Variants in TSC22D2 observed in about 807,000 individuals in gnomAD.
TSC22D2 encodes the protein TSC22 domain family protein 2.
TSC22D2 carries 5 observed loss-of-function variants against 50.1 expected under a neutral mutation model. The ratio of observed to expected loss-of-function variants is 0.10; its 90% CI spans 0.05 to 0.21. The LOEUF is 0.21. Ranked by LOEUF, TSC22D2 falls within the 10% of genes least tolerant of loss-of-function variation. TSC22D2 has a pLI of 1.00. For missense variants in TSC22D2, 1,003 were observed against 1,015.5 expected (o/e 0.99, Z 0.17); for synonymous variants, 501 against 450.1 (o/e 1.11, Z -1.43).
At chr3:150,434,033 C>T (rs1024281791) in intron 1 of TSC22D2, among the ~76,000 whole-genome samples, 5 of 152,212 alleles carry the variant, frequency 3.3e-5, no homozygotes, top group Admixed American at 2.0e-4. Context: ...CGAGATTGCA[C>T]CACTGCGCTC....
At chr3:150,454,163 T>C (rs1721121300) in intron 1 of TSC22D2, among the ~76,000 whole-genome samples, 1 of 151,990 alleles carries the variant, frequency 6.6e-6, no homozygotes, top group Non-Finnish European at 1.5e-5. Flanking sequence ...CCTTAGAAAA[T>C]CAAACAGCAT....
At position 150,411,086 on chromosome 3, in the gene TSC22D2, A is replaced by G; in HGVS notation, c.1736A>G (p.Gln579Arg). ...AGTCTACCACAGTCTGACCTAAGCC[A>G]GTTTCAAACTCAGACCCAGCCTTTA... ...PTSLPQSDLS[Q>R]FQTQTQPLVG... is the part of the protein sequence containing the mutation. The change falls in exon 1 of 3, where the codon CAG becomes CGG. Residue 579 changes from glutamine to arginine, a missense_variant. Physicochemically the swap from Gln to Arg is conservative, Grantham distance 43. Transcript: ENST00000688009. 1.2e-6 allele frequency: 2 copies of G among 1,614,176 alleles called. No individual in the cohort carries two copies. Among genetic ancestry groups the G allele is most frequent in the South Asian group, 1.1e-5 (1 of 91,090 alleles).
At chr3:150,449,837 T>C (rs1720988982) in intron 1 of TSC22D2, among the ~76,000 whole-genome samples, 1 of 152,122 alleles carries the variant, frequency 6.6e-6, no homozygotes, top group African/African-American at 2.4e-5. Flanking sequence ...TAGTTTTAAT[T>C]TGTATTTTTA....
chr3:150,448,318 A>G (rs890046737), intron 1 of TSC22D2, among the ~76,000 whole-genome samples: 1 of 152,058 alleles, frequency 6.6e-6, no homozygotes, highest in Non-Finnish European at 1.5e-5. Flanking sequence ...GCTAACAACA[A>G]ATTTTAAAAA....
chr3:150,442,288 C>G (rs1203101252), intron 1 of TSC22D2, among the ~76,000 whole-genome samples: 2 of 152,158 alleles, frequency 1.3e-5, no homozygotes, highest in Admixed American at 6.5e-5. Flanking sequence ...TATATATCTC[C>G]TGCACTAATT....
Position 150,409,663 on chromosome 3 carries a change from G to A in TSC22D2, c.313G>A (p.Gly105Arg), listed in dbSNP as rs757558939. ...GGCGGCTGCTGCTCCCGCCAACGGAGGAGGAGTCGTTTCGGCCCGGAGCGT... is the reference window on the plus strand; with the variant it reads ...GGCGGCTGCTGCTCCCGCCAACGGAAGAGGAGTCGTTTCGGCCCGGAGCGT... ...AAAAAAPANG[G>R]GVVSARSVSG... Residue 105 changes from glycine to arginine, a missense_variant, in exon 1 of 3, where the codon GGA becomes AGA. Gly to Arg is a moderately radical substitution (Grantham distance 125). This residue lies in a region of TSC22D2 where 200 missense variants were observed against 182.8 expected (regional missense o/e 1.09). Coordinates refer to ENST00000688009, the MANE Select transcript of TSC22D2 (RefSeq NM_001303264.2). This position sits in a 1 kb window ranked among gnomAD's most constrained non-coding sequence, Gnocchi z 7.4. 1 of 1,601,510 alleles carries A rather than the reference G, an allele frequency of 6.2e-7. No individual in the cohort carries two copies. The highest frequency in any genetic ancestry group is 8.5e-7 in the Non-Finnish European group (1 of 1,174,164).
chr3:150,436,274 T>A (rs749993322), intron 1 of TSC22D2, among the ~76,000 whole-genome samples: 1 of 152,152 alleles, frequency 6.6e-6, no homozygotes, highest in African/African-American at 2.4e-5. Flanking sequence ...AACTGCTTCA[T>A]ATGACTGGTT....
intron 1 of TSC22D2, among the ~76,000 whole-genome samples, chr3:150,435,885 C>G (rs865902604): frequency 3.8e-4 from 58 of 151,490 alleles, no homozygotes; most frequent in African/African-American, 1.4e-3. Flanking sequence ...GCAGTCTTGC[C>G]AGAGATTCAA....
intron 1 of TSC22D2, among the ~76,000 whole-genome samples, chr3:150,435,925 T>G (rs1720525217): frequency 6.6e-6 from 1 of 152,162 alleles, no homozygotes; most frequent in South Asian, 2.1e-4. Context: ...AGTACAGTTT[T>G]CTCATTAAAT....
intron 1 of TSC22D2, among the ~76,000 whole-genome samples, chr3:150,428,958 A>C (rs1720287521): frequency 6.6e-6 from 1 of 152,170 alleles, no homozygotes; most frequent in Non-Finnish European, 1.5e-5. Flanking sequence ...TTTTAGTTAC[A>C]TTTAAAATGC....
In TSC22D2 at chr3:150,463,390, T is replaced by G. The variant is rs28454055; in HGVS notation, c.*4754T>G. On this transcript the variant is annotated 3_prime_UTR_variant, in exon 3 of 3. Coordinates refer to ENST00000688009, the MANE Select transcript of TSC22D2 (RefSeq NM_001303264.2). ...CCAAAACCAGACCTTTTCTCCCACC[T>G]CCTTCTGCTTCAAGCCTCTTAATAA... The G allele has an allele frequency of 0.14, 20,725 of 152,250 alleles. 1,495 individuals carry two copies. The highest frequency in any genetic ancestry group is 0.17 in the Non-Finnish European group (11,612 of 68,028). 9.4% of individuals were successfully genotyped at this position (152,250 alleles called of 1,614,324 possible).
rs1719524866 is a variant in TSC22D2 at position 150,410,846 on chromosome 3, C to T, written c.1496C>T (p.Pro499Leu). The T allele has an allele frequency of 1.2e-6, 2 of 1,613,890 alleles. No homozygotes were observed. Among genetic ancestry groups the T allele is most frequent in the South Asian group, 1.1e-5 (1 of 91,078 alleles). Residue 499 changes from proline to leucine, a missense_variant, in exon 1 of 3, where the codon CCT becomes CTT. Transcript: ENST00000688009. The stretch of plus-strand genomic sequence containing the variant: ...CCGCTGTCAGCCGTACCTGGTGGCC[C>T]TCACGCCGTGGTGCCCGGAGTTCCA... ...SGPLSAVPGG[P>L]HAVVPGVPNV...
chr3:150,446,116 CAGCT>C (rs1466786599), intron 1 of TSC22D2, among the ~76,000 whole-genome samples: 1 of 140,436 alleles, frequency 7.1e-6, no homozygotes, highest in East Asian at 2.1e-4. Flanking sequence ...AAAAAAAAAT[CAGCT>C]AGTCTAATTC....
chr3:150,442,807 T>C (rs1576553564), intron 1 of TSC22D2, among the ~76,000 whole-genome samples: 1 of 151,934 alleles, frequency 6.6e-6, no homozygotes, highest in South Asian at 2.1e-4. Context: ...AAAAGAAAAA[T>C]TAGCTAGACA....
chr3:150,431,579 A>AT (rs1312250106), intron 1 of TSC22D2, among the ~76,000 whole-genome samples: 1 of 152,188 alleles, frequency 6.6e-6, no homozygotes, highest in Non-Finnish European at 1.5e-5. Context: ...AAATTTAAAT[A>AT]TTTAATAAAA....
rs559298196 is a variant in TSC22D2 at position 150,448,719 on chromosome 3, C to T, written c.1959-8357C>T. Among the ~76,000 whole-genome samples the T allele has an allele frequency of 6.6e-5, 10 of 151,988 alleles. No homozygotes were observed. The South Asian group carries it at 2.1e-3, about 32-fold the overall frequency. On this transcript the variant is annotated intron_variant, in intron 1 of 2. Coordinates refer to ENST00000688009, the MANE Select transcript of TSC22D2 (RefSeq NM_001303264.2). The stretch of plus-strand genomic sequence containing the variant: ...ATGTTTTAATAGATTTTTAGTTCAG[C>T]TAGTTTTAAAACGAAGTTTCTTTAA...
At chr3:150,422,230 G>A (rs1720034320) in intron 1 of TSC22D2, among the ~76,000 whole-genome samples, 1 of 152,182 alleles carries the variant, frequency 6.6e-6, no homozygotes. Context: ...TTGAAGGTGG[G>A]GGAGACTATG....
At chr3:150,416,216 A>G (rs1180865991) in intron 1 of TSC22D2, among the ~76,000 whole-genome samples, 1 of 152,164 alleles carries the variant, frequency 6.6e-6, no homozygotes, top group Non-Finnish European at 1.5e-5. Flanking sequence ...TCTTTGAAGA[A>G]TTGTTTTAGT....
At chr3:150,437,645 C>CA (rs572420309) in intron 1 of TSC22D2, among the ~76,000 whole-genome samples, 1,366 of 132,890 alleles carry the variant, frequency 0.01, 4 homozygotes, top group Non-Finnish European at 0.015. Flanking sequence ...ACTAAAAATA[C>CA]AAAAAAAAAA....
Sources: gnomAD v4.1 joint callset for allele counts (sites outside exome capture counted in the v4.1 genomes callset) on GRCh38, gnomAD v4.1.1 for gene constraint, gnomAD v4.1.1 regional missense constraint, Gnocchi (gnomAD v3.1) non-coding constraint, MANE v1.5 for transcripts, NCBI Gene and HGNC (gene_info 2026-07-23, HGNC 2026-07-21) for gene names.